IGFL4: variants seen among roughly 807,000 people sequenced by gnomAD.
The protein encoded by IGFL4 is IGF like family member 4, also known as insulin growth factor-like family member 4.
A neutral mutation model predicts 15.4 loss-of-function variants in IGFL4; 12 were observed. That is an observed-to-expected ratio of 0.78 (90% CI 0.50 to 1.26). IGFL4 has a LOEUF of 1.26. Ranked by LOEUF, IGFL4 falls within the 50% of genes most tolerant of loss-of-function variation. The probability of loss-of-function intolerance (pLI) is 0.00; values close to 1 mark genes in which losing one functional copy is unlikely to be tolerated. For missense variants in IGFL4, 126 were observed against 147.8 expected, an observed-to-expected ratio of 0.85 and a Z score of 0.76; for synonymous variants, 54 against 55.9, an observed-to-expected ratio of 0.97 and a Z score of 0.16.
intron 1 of IGFL4, among the ~76,000 whole-genome samples, chr19:46,076,498 T>C (rs550026846): frequency 6.6e-6 from 1 of 152,134 alleles, no homozygotes; most frequent in Non-Finnish European, 1.5e-5. Context: ...CTGTTCCAGA[T>C]CTAGAATGTG....
intron 1 of IGFL4, among the ~76,000 whole-genome samples, chr19:46,074,701 G>A (rs1969578842): frequency 6.6e-6 from 1 of 152,174 alleles, no homozygotes; most frequent in Non-Finnish European, 1.5e-5. Context: ...AGCCAAGCTG[G>A]CAGCTGATTA....
At chr19:46,058,069 T>C (rs1969409743) in intron 2 of IGFL4, 1 of 152,210 alleles carries the variant, frequency 6.6e-6, no homozygotes. Context: ...CCCCAAATTC[T>C]TAACTCATTT....
chr19:46,068,351 G>A (rs1339113884), intron 1 of IGFL4, among the ~76,000 whole-genome samples: 4 of 152,176 alleles, frequency 2.6e-5, no homozygotes, highest in Admixed American at 6.5e-5. Context: ...TAAAGACCTC[G>A]AGCTCTGAGT....
At chr19:46,061,696 C>G (rs1969446676) in intron 1 of IGFL4, among the ~76,000 whole-genome samples, 3 of 152,112 alleles carry the variant, frequency 2.0e-5, no homozygotes, top group African/African-American at 4.8e-5. Flanking sequence ...CATTTAATTG[C>G]TAGGCAACCC....
At chr19:46,071,587 C>G (rs10425314) in intron 1 of IGFL4, among the ~76,000 whole-genome samples, 101,112 of 152,156 alleles carry the variant, frequency 0.66, 33,894 homozygotes, top group African/African-American at 0.72. Context: ...TGTGAAACCA[C>G]GACTCCTGAA....
intron 2 of IGFL4, among the ~76,000 whole-genome samples, chr19:46,056,525 T>G (rs1265947168): frequency 6.6e-6 from 1 of 152,200 alleles, no homozygotes; most frequent in East Asian, 1.9e-4. Context: ...AGGGATCCCC[T>G]GGAGTTTTAG....
chr19:46,040,079 A>G lies in IGFL4; in HGVS notation c.330+78T>C. The G allele has an allele frequency of 6.4e-7, 1 of 1,564,754 alleles. No homozygotes were observed. Among genetic ancestry groups the G allele is most frequent in the Non-Finnish European group, 8.8e-7 (1 of 1,137,338 alleles). ...GTATGGAACCCAGCAGAGACTGCAC[A>G]TCTGGGTGGGACATGGACAACCAAG... On this transcript the variant is annotated intron_variant, in intron 3 of 3. Coordinates refer to ENST00000377697, the MANE Select transcript of IGFL4 (RefSeq NM_001002923.3). The surrounding 1 kb of genome is among the most constrained non-coding windows in gnomAD (Gnocchi z 4.1).
chr19:46,052,966 G>T, intron 2 of IGFL4, among the ~76,000 whole-genome samples: 3 of 112,438 alleles, frequency 2.7e-5, no homozygotes, highest in South Asian at 3.0e-4. Context: ...AGTCAGAAAA[G>T]AAAAAAAAAA....
At chr19:46,052,491 A>G (rs781449682) in intron 2 of IGFL4, among the ~76,000 whole-genome samples, 14 of 152,052 alleles carry the variant, frequency 9.2e-5, no homozygotes, top group Non-Finnish European at 1.8e-4. Flanking sequence ...CAACAAAAGC[A>G]GTGTAGCATT....
chr19:46,066,394 C>T (rs1969494906), intron 1 of IGFL4, among the ~76,000 whole-genome samples: 2 of 152,186 alleles, frequency 1.3e-5, no homozygotes, highest in African/African-American at 2.4e-5. Flanking sequence ...ACCCAACTCC[C>T]AGCATCCATG....
At position 46,064,745 on chromosome 19, in the gene IGFL4, G is replaced by A. The variant is rs114086587; in HGVS notation, c.-431-4452C>T. Among the ~76,000 whole-genome samples the A allele has an allele frequency of 2.7e-3, 417 of 152,298 alleles. 1 individual carries two copies. The highest frequency in any genetic ancestry group is 9.6e-3 in the African/African-American group (399 of 41,556). ...CCAAATTTTGGCTATTATGAACAGT[G>A]CTACAACAAATATGGAAGTGCAGGT... On this transcript the variant is annotated intron_variant, in intron 1 of 5. Coordinates refer to the IGFL4 transcript ENST00000601672.
chr19:46,070,145 A>ATTT (rs11412709), intron 1 of IGFL4, among the ~76,000 whole-genome samples: 70 of 148,614 alleles, frequency 4.7e-4, no homozygotes, highest in African/African-American at 1.5e-3. Context: ...AATCTCTAAG[A>ATTT]TTTTTTTTTT....
intron 1 of IGFL4, among the ~76,000 whole-genome samples, chr19:46,067,159 A>C (rs893521630): frequency 6.6e-6 from 1 of 152,190 alleles, no homozygotes; most frequent in Non-Finnish European, 1.5e-5. Context: ...CTTCAAAGCC[A>C]CAGCAAACAG....
intron 1 of IGFL4, among the ~76,000 whole-genome samples, chr19:46,063,335 G>GCGCA (rs1555815398): frequency 1.4e-5 from 2 of 147,090 alleles, no homozygotes; most frequent in Non-Finnish European, 3.0e-5. Context: ...ACACACGCAT[G>GCGCA]CACACACACA....
intron 1 of IGFL4, among the ~76,000 whole-genome samples, chr19:46,068,900 A>G (rs145568018): frequency 1.3e-5 from 2 of 152,362 alleles, no homozygotes; most frequent in Admixed American, 1.3e-4. Flanking sequence ...CTCTTTGTCC[A>G]GTTGACTTAA....
chr19:46,041,958 C>T (rs550058326), upstream of IGFL4, among the ~76,000 whole-genome samples: 12 of 151,780 alleles, frequency 7.9e-5, no homozygotes, highest in African/African-American at 2.7e-4. Flanking sequence ...CCCACCTCAG[C>T]CTCTTGAGTA....
At chr19:46,042,092 C>G (rs796198477), upstream of IGFL4, among the ~76,000 whole-genome samples, 8 of 27,080 alleles carry the variant, frequency 3.0e-4, no homozygotes, top group African/African-American at 1.8e-3. Flanking sequence ...CCCCAGCCTC[C>G]CAAAGTGCAT....
At chr19:46,063,411 TC>T (rs1260823504) in intron 1 of IGFL4, among the ~76,000 whole-genome samples, 2 of 151,852 alleles carry the variant, frequency 1.3e-5, no homozygotes, top group Non-Finnish European at 1.5e-5. Flanking sequence ...CTAACTCAGT[TC>T]AAAGAGCACT....
chr19:46,050,221 A>G (rs1414455958), intron 2 of IGFL4, among the ~76,000 whole-genome samples: 1 of 152,200 alleles, frequency 6.6e-6, no homozygotes. Flanking sequence ...ACGAGAAAGG[A>G]ACAGAAAAAT....
Sources: allele counts gnomAD v4.1 joint callset (sites outside exome capture counted in the v4.1 genomes callset), GRCh38; gene constraint gnomAD v4.1.1; non-coding constraint Gnocchi (gnomAD v3.1); transcripts MANE v1.5; gene names NCBI Gene and HGNC (gene_info 2026-07-23, HGNC 2026-07-21).